The following GARNL3 variants were observed in gnomAD, a reference collection of about 807,000 sequenced individuals.
The protein encoded by GARNL3 is GTPase-activating Rap/Ran-GAP domain-like protein 3.
A neutral mutation model predicts 125.0 loss-of-function variants in GARNL3; 63 were observed. The observed-to-expected ratio is 0.50, with a 90% CI of 0.41 to 0.62. GARNL3 has a LOEUF of 0.62. GARNL3 is among the 20% of genes least tolerant of loss of function. The pLI is 0.00. For missense variants in GARNL3, 994 were observed against 1,244.0 expected, an observed-to-expected ratio of 0.80 and a Z score of 3.02; for synonymous variants, 439 against 457.5, an observed-to-expected ratio of 0.96 and a Z score of 0.52.
intron 27 of GARNL3, 63 bp from the exon 28 acceptor site, chr9:127,393,020 A>T: frequency 7.3e-7 from 1 of 1,376,952 alleles, no homozygotes; most frequent in Non-Finnish European, 1.0e-6. Flanking sequence ...AATTGCCAGA[A>T]AAAAATAGGC....
At chr9:127,284,455 G>A (rs973698374) in intron 1 of GARNL3, among the ~76,000 whole-genome samples, 9 of 151,940 alleles carry the variant, frequency 5.9e-5, no homozygotes, top group African/African-American at 1.9e-4. Flanking sequence ...TCTTGGATAT[G>A]TTAATCAATT....
At chr9:127,317,736 C>T (rs1588842987) in intron 4 of GARNL3, among the ~76,000 whole-genome samples, 1 of 106,282 alleles carries the variant, frequency 9.4e-6, no homozygotes, top group Admixed American at 8.6e-5. Context: ...CAAAACAAAA[C>T]AACAACAACA....
chr9:127,227,027 T>C (rs2062925979), intron 1 of GARNL3, among the ~76,000 whole-genome samples: 1 of 152,258 alleles, frequency 6.6e-6, no homozygotes. Flanking sequence ...GCACTTGTAA[T>C]GTGGCTAGTT....
rs146987623 is a variant in GARNL3, at chr9:127,229,532, A to G, written c.-29+5194A>G. ...TATTTTTGAGACAAAGTCTCACTCT[A>G]TTGCCCAGGCTGGAGTGCAGTGGCA... is the stretch of plus-strand genomic sequence containing the variant. On this transcript the variant is annotated intron_variant, in intron 1 of 10. Transcript: ENST00000439286. Among the ~76,000 whole-genome samples the G allele has an allele frequency of 9.2e-3, 1,401 of 152,080 alleles. 32 individuals are homozygous for G. Among genetic ancestry groups the G allele is most frequent in the African/African-American group, 0.031 (1,304 of 41,496 alleles).
At chr9:127,231,231 T>TTG (rs1554887553) in intron 1 of GARNL3, among the ~76,000 whole-genome samples, 2 of 136,836 alleles carry the variant, frequency 1.5e-5, no homozygotes, top group Non-Finnish European at 3.1e-5. Flanking sequence ...ATTTTTTGTT[T>TTG]TTTTTTTTTT....
At chr9:127,367,538 G>A (rs1021899576) in intron 22 of GARNL3, 2 of 152,006 alleles carry the variant, frequency 1.3e-5, no homozygotes, top group Non-Finnish European at 2.9e-5. Context: ...AGTATAAATT[G>A]TTCAATATGC....
intron 21 of GARNL3, among the ~76,000 whole-genome samples, chr9:127,361,270 T>G (rs1021549371): frequency 2.0e-4 from 28 of 143,014 alleles, no homozygotes; most frequent in African/African-American, 7.1e-4. Context: ...TTATTTTTTT[T>G]AAGAGAGAGA....
At chr9:127,381,564 T>G (rs1336149446) in intron 22 of GARNL3, among the ~76,000 whole-genome samples, 1 of 152,084 alleles carries the variant, frequency 6.6e-6, no homozygotes, top group Non-Finnish European at 1.5e-5. Flanking sequence ...TTATACAGTA[T>G]GTACTCAGAT....
chr9:127,269,801 T>TG (rs2063781375), intron 1 of GARNL3, among the ~76,000 whole-genome samples: 1 of 150,338 alleles, frequency 6.7e-6, no homozygotes. Flanking sequence ...TTTTTTTTTT[T>TG]GCTGTCAAGT....
chr9:127,382,826 G>C (rs1424134625), intron 22 of GARNL3, among the ~76,000 whole-genome samples: 1 of 152,132 alleles, frequency 6.6e-6, no homozygotes, highest in Non-Finnish European at 1.5e-5. Context: ...CAAGCGTATG[G>C]CTTCAAGTCC....
At position 127,307,484 on chromosome 9, in the gene GARNL3, C is replaced by T. The variant is rs567230656; in HGVS notation, c.220-4152C>T. ...TTACTCTCTAGGCGAGAGAGAAAGA[C>T]GTTCATGACAGTGTTGCTTTTAGTA... On this transcript the variant is annotated intron_variant, in intron 2 of 27. Transcript: ENST00000373387. Among the ~76,000 whole-genome samples the T allele has an allele frequency of 5.3e-5, 8 of 152,294 alleles. No individual in the cohort carries two copies. The South Asian group carries it at 1.0e-3, about 20-fold the overall frequency.
At chr9:127,329,546 G>A (rs1442742252) in intron 7 of GARNL3, among the ~76,000 whole-genome samples, 1 of 152,086 alleles carries the variant, frequency 6.6e-6, no homozygotes, top group African/African-American at 2.4e-5. Flanking sequence ...GTCTCCACCT[G>A]AAGCAGAAGA....
At chr9:127,381,929 A>C (rs1371572603) in intron 22 of GARNL3, among the ~76,000 whole-genome samples, 1 of 151,850 alleles carries the variant, frequency 6.6e-6, no homozygotes, top group Admixed American at 6.6e-5. Context: ...GCTCAATATT[A>C]TGTCTGTGAG....
chr9:127,292,942 T>C (rs139637831), intron 2 of GARNL3, among the ~76,000 whole-genome samples: 1 of 152,358 alleles, frequency 6.6e-6, no homozygotes, highest in Non-Finnish European at 1.5e-5. Context: ...GTTACTGATT[T>C]CACAAGTCAT....
chr9:127,263,722 T>C (rs1462585483), upstream of GARNL3: 52 of 1,188,982 alleles, frequency 4.4e-5, no homozygotes, highest in Non-Finnish European at 5.0e-5. Context: ...CATGCATTGA[T>C]GTGTTGCCCA....
chr9:127,327,185 A>G (rs1041302499), intron 7 of GARNL3, among the ~76,000 whole-genome samples: 1 of 152,254 alleles, frequency 6.6e-6, no homozygotes, highest in Non-Finnish European at 1.5e-5. Context: ...CCTACCGTGC[A>G]TGTACCATGT....
upstream of GARNL3, chr9:127,264,127 TTATTAAAACTGTTTA>T: frequency 1.6e-6 from 1 of 613,234 alleles, no homozygotes; most frequent in South Asian, 2.7e-5. Context: ...AGAATCAAAC[TTATTAAAACTGTTTA>T]TATTTTGTGG....
At chr9:127,342,398 AAC>A in intron 14 of GARNL3, 64 bp downstream of exon 14, 2 of 1,085,952 alleles carry the variant, frequency 1.8e-6, no homozygotes, top group Non-Finnish European at 2.8e-6. Flanking sequence ...ACAAGTCCTC[AAC>A]TCAGCGATGA....
intron 9 of GARNL3, among the ~76,000 whole-genome samples, chr9:127,333,879 G>C (rs1347371821): frequency 6.6e-6 from 1 of 152,156 alleles, no homozygotes; most frequent in African/African-American, 2.4e-5. Flanking sequence ...TTTCAAGTAG[G>C]GGAGTGGTGA....
Sources: allele counts gnomAD v4.1 joint callset (sites outside exome capture counted in the v4.1 genomes callset), GRCh38; gene constraint gnomAD v4.1.1; transcripts MANE v1.5; gene names NCBI Gene and HGNC (gene_info 2026-07-23, HGNC 2026-07-21).